ARMC5: variants seen among roughly 807,000 people sequenced by gnomAD.
ARMC5 encodes armadillo repeat containing 5, also known as armadillo repeat-containing protein 5.
Under a neutral mutation model 60.5 loss-of-function variants are expected in ARMC5, and 28 were observed. The ratio of observed to expected loss-of-function variants is 0.46; its 90% confidence interval spans 0.34 to 0.63. ARMC5 has a LOEUF of 0.63. Among genes scored for constraint, ARMC5 ranks in the 30% least tolerant of loss-of-function variants. The pLI, the probability that ARMC5 is intolerant of heterozygous loss-of-function variation, is 0.01. For missense variants in ARMC5, 1,189 were observed against 1,304.9 expected, an observed-to-expected ratio of 0.91 and a Z score of 1.37; for synonymous variants, 680 against 607.3, an observed-to-expected ratio of 1.12 and a Z score of -1.76.
In ARMC5 at chr16:31,459,858, T is replaced by A; in HGVS notation, c.334T>A (p.Ser112Thr). The change falls in exon 1 of 6, where the codon TCC (serine) becomes ACC (threonine). Residue 112 changes from serine to threonine, a missense_variant. Coordinates refer to ENST00000268314, the MANE Select transcript of ARMC5 (RefSeq NM_001105247.2). Reference protein sequence around the residue: ...SPAPASGPAPSAVSSSSPTPP... With the variant: ...SPAPASGPAPTAVSSSSPTPP... ...CGCCCCCGCGTCGGGCCCCGCCCCC[T>A]CCGCTGTGTCGTCGTCTAGTCCTAC... 1 of 1,597,588 alleles carries A rather than the reference T, an allele frequency of 6.3e-7. No homozygotes were observed.
upstream of ARMC5, chr16:31,458,599 C>A: frequency 2.1e-6 from 3 of 1,457,242 alleles, no homozygotes; most frequent in Non-Finnish European, 2.8e-6. Flanking sequence ...GGTTTTGGGG[C>A]TTGTAGACGG....
rs376733986 is a variant in ARMC5 at position 31,459,551 on chromosome 16, G to A, written c.27G>A (p.Thr9=). The change falls in exon 1 of 6, where the codon ACG becomes ACA. Residue 9 remains threonine (T), a synonymous_variant. Coordinates refer to ENST00000268314, the MANE Select transcript of ARMC5 (RefSeq NM_001105247.2). Reference sequence around the variant, plus strand: ...TGGCGGCTGCGAAGCCAACCCTCACGGACTCGCTCTCGTTCTGCCTCGCGC... The same window carrying A: ...TGGCGGCTGCGAAGCCAACCCTCACAGACTCGCTCTCGTTCTGCCTCGCGC... The part of the protein sequence containing the change: MAAAKPTL[T]DSLSFCLAQL... The A allele has an allele frequency of 3.9e-5, 63 of 1,606,168 alleles. No individual in the cohort carries two copies. Among genetic ancestry groups the A allele is most frequent in the Non-Finnish European group, 5.3e-5 (63 of 1,179,222 alleles).
chr16:31,461,630 C>T (rs1016510056), intron 1 of ARMC5, among the ~76,000 whole-genome samples: 3 of 152,220 alleles, frequency 2.0e-5, no homozygotes, highest in African/African-American at 7.2e-5. Flanking sequence ...GCCACAGCCT[C>T]CCGGGTAGCT....
At position 31,464,523 on chromosome 16, in the gene ARMC5, A is replaced by C; in HGVS notation, c.1500A>C (p.Ala500=). The C allele has an allele frequency of 6.2e-7, 1 of 1,601,944 alleles. No individual in the cohort carries two copies. The highest frequency in any genetic ancestry group is 8.5e-7 in the Non-Finnish European group (1 of 1,175,156). The change falls in exon 4 of 6, where the codon GCA becomes GCC. Residue 500 remains alanine, a synonymous_variant. Transcript: ENST00000268314. This position sits in a 1 kb window ranked among gnomAD's most constrained non-coding sequence, Gnocchi z 7.6. The stretch of plus-strand genomic sequence containing the variant: ...CCCCGACCCCGACCTCGCTGCGGGC[A>C]CCACGCACCCAACGCACTCCGGGCC... ...SPAPTPTSLR[A]PRTQRTPGRS...
Position 31,466,867 on chromosome 16 carries a change from T to G in ARMC5, c.2786T>G (p.Leu929Trp), listed in dbSNP as rs1224238040. The G allele has an allele frequency of 6.3e-7, 1 of 1,577,804 alleles. No individual in the cohort carries two copies. Residue 929 changes from leucine to tryptophan, a missense_variant, in exon 6 of 6, where the codon TTG (leucine) becomes TGG (tryptophan). This residue lies in a region of ARMC5 where 862 missense variants were observed against 1,071.2 expected (regional missense o/e 0.80). Transcript: ENST00000268314. This position sits in a 1 kb window ranked among gnomAD's most constrained non-coding sequence, Gnocchi z 8.0. ...CTGGCTGTGGTGATGGGGATTGAGT[T>G]GGGGGCAAGGGTCCCTGCCTAGACT... ...ALLAVVMGIE[L>W]GARVPA
At chr16:31,458,503 T>C, upstream of ARMC5, 2 of 1,535,670 alleles carry the variant, frequency 1.3e-6, no homozygotes, top group Non-Finnish European at 1.7e-6. Flanking sequence ...CGGACAACGG[T>C]AAGGCTTGTC....
rs1412619893 is a variant in ARMC5 at position 31,459,680 on chromosome 16, C to T, written c.156C>T (p.Ile52=). 3.8e-6 allele frequency: 6 copies of T among 1,578,290 alleles called. No individual in the cohort carries two copies. Among genetic ancestry groups the T allele is most frequent in the Admixed American group, 3.7e-5 (2 of 53,798 alleles). The part of the protein sequence containing the change: ...RALLALRTRH[I]KAAGGIERFR... The stretch of plus-strand genomic sequence containing the variant: ...TCCTAGCCCTCCGCACGCGCCACAT[C>T]AAGGCAGCGGGGGGAATCGAGCGCT... Residue 52 remains isoleucine (I), a synonymous_variant, in exon 1 of 6, where the codon ATC becomes ATT. Transcript: ENST00000268314.
rs181967284 is a variant in ARMC5 at position 31,466,513 on chromosome 16, G to A, written c.2432G>A (p.Arg811Gln). Residue 811 changes from arginine (R) to glutamine (Q), a missense_variant, in exon 6 of 6, where the codon CGG becomes CAG. Arg to Gln is a conservative substitution (Grantham distance 43). Transcript: ENST00000268314. This position sits in a 1 kb window ranked among gnomAD's most constrained non-coding sequence, Gnocchi z 8.0. ...WPVLHHLHGC[R>Q]GCGAALGPVP... The stretch of plus-strand genomic sequence containing the variant: ...GTCCTGCATCATTTGCATGGTTGTC[G>A]GGGGTGTGGGGCTGCCCTGGGGCCC... 3.7e-5 allele frequency: 59 copies of A among 1,609,304 alleles called. No homozygotes were observed. The highest frequency in any genetic ancestry group is 1.5e-4 in the Admixed American group (9 of 60,010).
At chr16:31,458,461 T>C, upstream of ARMC5, 1 of 1,535,708 alleles carries the variant, frequency 6.5e-7, no homozygotes, top group Non-Finnish European at 8.7e-7. Flanking sequence ...CTTAACCAGA[T>C]CAGAGCCACA....
chr16:31,458,970 G>GTT, upstream of ARMC5: 1 of 1,535,602 alleles, frequency 6.5e-7, no homozygotes, highest in East Asian at 2.4e-5. Context: ...GGCAGCGAAC[G>GTT]TTCTCGGTAG....
At chr16:31,459,039 AC>A (rs1191735664), upstream of ARMC5, 3 of 1,518,992 alleles carry the variant, frequency 2.0e-6, no homozygotes, top group Middle Eastern at 1.7e-4. Flanking sequence ...CGCGGTCAGG[AC>A]CCCGCACTTT....
chr16:31,465,947 A>G lies in ARMC5; in HGVS notation c.1962A>G (p.Arg654=), dbSNP rs373939083. 10 of 1,606,554 alleles carry G rather than the reference A, an allele frequency of 6.2e-6. No homozygotes were observed. The Admixed American group carries it at 6.7e-5, about 11-fold the overall frequency. ...HLLLSGSPED[R]VACALTLPFI... is the part of the protein sequence containing the mutation. ...TGCTCTCTGGGAGCCCTGAGGACCG[A>G]GTGGCCTGCGCGCTGACCCTGCCCT... Residue 654 remains arginine (R), a synonymous_variant, in exon 5 of 6, where the codon CGA becomes CGG. Transcript: ENST00000268314.
chr16:31,459,382 G>A, upstream of ARMC5: 2 of 1,536,702 alleles, frequency 1.3e-6, no homozygotes, highest in Non-Finnish European at 8.7e-7. Flanking sequence ...TTCCGGGGTC[G>A]AGAACTACAA....
In ARMC5 at chr16:31,459,793, G is replaced by T; in HGVS notation, c.269G>T (p.Gly90Val). Residue 90 changes from glycine to valine, a missense_variant, in exon 1 of 6, where the codon GGC becomes GTC. By Grantham distance (109) the Gly-to-Val change is moderately radical (BLOSUM62 -3). Coordinates refer to ENST00000268314, the MANE Select transcript of ARMC5 (RefSeq NM_001105247.2). The stretch of plus-strand genomic sequence containing the variant: ...TCCGCCCCGTCCCAGGCAGGCCCCG[G>T]CTCCGCCCCCTCGTCGGCCGCGTCG... ...AGSAPSQAGP[G>V]SAPSSAASGA... 1 of 1,539,510 alleles carries T rather than the reference G, an allele frequency of 6.5e-7. No homozygotes were observed.
At chr16:31,460,565 G>A (rs9936436) in intron 1 of ARMC5, among the ~76,000 whole-genome samples, 5,849 of 152,270 alleles carry the variant, frequency 0.038, 386 homozygotes, top group African/African-American at 0.13. Flanking sequence ...CGTATTTCAA[G>A]TTATTAAAAA....
intron 1 of ARMC5, chr16:31,460,417 A>G (rs916729583): frequency 4.3e-5 from 7 of 164,362 alleles, no homozygotes; most frequent in African/African-American, 1.4e-4. Context: ...AGAAAGGGAG[A>G]TCTGCAAAAG....
chr16:31,459,425 C>T (rs1463396323), upstream of ARMC5: 17 of 1,540,122 alleles, frequency 1.1e-5, no homozygotes, highest in South Asian at 9.5e-5. Flanking sequence ...TGGCGCTAAA[C>T]AGCGTCAGCG....
Position 31,465,421 on chromosome 16 carries a change from T to TA in ARMC5, c.1865-428dup, listed in dbSNP as rs1216244319. The TA allele has an allele frequency of 2.5e-5, 28 of 1,117,282 alleles. 1 individual carries two copies. Among genetic ancestry groups the TA allele is most frequent in the Non-Finnish European group, 3.1e-5 (26 of 840,306 alleles). The allele number at this position is 1,117,282 out of a possible 1,614,324, so 69.2% of individuals were successfully genotyped here. On this transcript the variant is annotated intron_variant, in intron 4 of 5. Coordinates refer to ENST00000268314, the MANE Select transcript of ARMC5 (RefSeq NM_001105247.2). ...TATGTCCCCTCAGCTCCTATCTCTG[T>TA]ATGGCCTGGTTTTTCCCAGGTTATG...
In ARMC5 at chr16:31,459,750, C is replaced by A; in HGVS notation, c.226C>A (p.Arg76=). 1 of 1,539,852 alleles carries A rather than the reference C, an allele frequency of 6.5e-7. No individual in the cohort carries two copies. The highest frequency in any genetic ancestry group is 8.7e-7 in the Non-Finnish European group (1 of 1,152,994). Residue 76 remains arginine, a synonymous_variant, in exon 1 of 6, where the codon CGA becomes AGA. Transcript: ENST00000268314. The part of the protein sequence containing the change: ...GLRPLLALLR[R]AAAAGSAPSQ... ...CCGCCCCCTACTCGCGCTGCTACGG[C>A]GAGCGGCTGCAGCGGGTTCCGCCCC...
Sources: gnomAD v4.1 joint callset for allele counts (sites outside exome capture counted in the v4.1 genomes callset) on GRCh38, gnomAD v4.1.1 for gene constraint, gnomAD v4.1.1 regional missense constraint, Gnocchi (gnomAD v3.1) non-coding constraint, MANE v1.5 for transcripts, NCBI Gene and HGNC (gene_info 2026-07-23, HGNC 2026-07-21) for gene names.